GPC3: variants seen among roughly 807,000 people sequenced by gnomAD.
The protein encoded by GPC3 is glypican 3.
In GPC3, 3 loss-of-function variants were observed where a neutral mutation model predicts 34.4. That is an observed-to-expected ratio of 0.09 (90% CI 0.04 to 0.23). GPC3 has a LOEUF of 0.23. GPC3 is among the 10% of genes least tolerant of loss of function. The probability of loss-of-function intolerance (pLI) is 1.00; values close to 1 mark genes in which losing one functional copy is unlikely to be tolerated. For synonymous variants in GPC3, 177 were observed against 174.0 expected (o/e 1.02, Z -0.13); for missense variants, 351 against 445.6 (o/e 0.79, Z 1.91).
intron 2 of GPC3, among the ~76,000 whole-genome samples, chrX:133,842,564 A>G (rs956919640): frequency 1.8e-4 from 20 of 109,464 alleles, no homozygotes; most frequent in African/African-American, 6.7e-4. Context: ...CTAAGGAAAC[A>G]TGTTGAAAGT....
chrX:133,832,167 C>A (rs2075778494), intron 2 of GPC3, among the ~76,000 whole-genome samples: 1 of 111,008 alleles, frequency 9.0e-6, no homozygotes, highest in Non-Finnish European at 1.9e-5. Context: ...ATAGTCCCAG[C>A]TACTCAGGAG....
At chrX:133,805,646 G>C (rs747450178) in intron 2 of GPC3, among the ~76,000 whole-genome samples, 5 of 112,068 alleles carry the variant, frequency 4.5e-5, no homozygotes, top group African/African-American at 1.6e-4. Context: ...CTTTGACCAA[G>C]TTCCTTAACC....
chrX:133,965,170 A>ACCCCCCCC (rs368195242), intron 1 of GPC3, among the ~76,000 whole-genome samples: 5 of 102,450 alleles, frequency 4.9e-5, no homozygotes, highest in African/African-American at 1.1e-4. Flanking sequence ...GAATGGTGTC[A>ACCCCCCCC]CCCCCCCCCA....
In GPC3 at chrX:133,763,761, C is replaced by A; in HGVS notation, c.338-9585G>T. The A allele has an allele frequency of 8.9e-6, 4 of 447,211 alleles. No individual in the cohort carries two copies. In the Admixed American group the frequency reaches 9.8e-5, roughly 11 times the overall value. The allele number at this position is 447,211 out of a possible 1,213,427, so 36.9% of individuals were successfully genotyped here. A position where few individuals can be genotyped will look rare whatever the true frequency, so the allele number is the denominator to read the frequency against. On this transcript the variant is annotated intron_variant, in intron 2 of 7. Coordinates refer to ENST00000370818, the MANE Select transcript of GPC3 (RefSeq NM_004484.4). ...AAACATCAGTTTCAAAAAAAAAAGTCAAAAAACAACAGATGTTGGTGAGGA... is the reference window on the plus strand; with the variant it reads ...AAACATCAGTTTCAAAAAAAAAAGTAAAAAAACAACAGATGTTGGTGAGGA...
At chrX:133,905,132 G>A (rs1004327370) in intron 2 of GPC3, among the ~76,000 whole-genome samples, 4 of 112,082 alleles carry the variant, frequency 3.6e-5, no homozygotes, top group East Asian at 5.6e-4. Context: ...AAAAAAGAGC[G>A]GTTGGAAAAC....
At chrX:133,701,740 C>A (rs1318112867) in intron 3 of GPC3, among the ~76,000 whole-genome samples, 2 of 111,962 alleles carry the variant, frequency 1.8e-5, no homozygotes, top group African/African-American at 6.5e-5. Context: ...AAGCCATGGG[C>A]TCTGTGTGGT....
chrX:133,582,335 G>A (rs1486049892), intron 7 of GPC3, among the ~76,000 whole-genome samples: 1 of 111,572 alleles, frequency 9.0e-6, no homozygotes, highest in Non-Finnish European at 1.9e-5. Flanking sequence ...ATTGGCTCTC[G>A]TGAGCCAGTG....
At chrX:133,727,455 C>T (rs887306730) in intron 3 of GPC3, among the ~76,000 whole-genome samples, 2 of 110,145 alleles carry the variant, frequency 1.8e-5, no homozygotes, top group African/African-American at 6.6e-5. Context: ...GAGGCTGAGG[C>T]AGGAGAATCA....
intron 7 of GPC3, among the ~76,000 whole-genome samples, chrX:133,566,289 G>A (rs1221332803): frequency 9.0e-6 from 1 of 111,636 alleles, no homozygotes; most frequent in East Asian, 2.8e-4. Context: ...TTTGTCTGGA[G>A]AACAGGAGCC....
intron 2 of GPC3, among the ~76,000 whole-genome samples, chrX:133,818,880 T>C (rs145049273): frequency 0.019 from 2,055 of 110,288 alleles, 26 homozygotes; most frequent in Non-Finnish European, 0.024. Context: ...CCAAACCATG[T>C]TATGTTTCCA....
At chrX:133,741,233 A>C (rs1349365844) in intron 3 of GPC3, among the ~76,000 whole-genome samples, 1 of 108,365 alleles carries the variant, frequency 9.2e-6, no homozygotes, top group African/African-American at 3.4e-5. Context: ...TTGATCTTGG[A>C]CTTTCAACCC....
intron 7 of GPC3, among the ~76,000 whole-genome samples, chrX:133,580,821 C>G (rs1174357333): frequency 8.9e-6 from 1 of 112,125 alleles, no homozygotes; most frequent in Non-Finnish European, 1.9e-5. Flanking sequence ...GCAGTTGGTA[C>G]TGTATGTGAG....
chrX:133,714,183 T>C (rs2071294520), intron 3 of GPC3, among the ~76,000 whole-genome samples: 1 of 111,951 alleles, frequency 8.9e-6, no homozygotes, highest in African/African-American at 3.2e-5. Flanking sequence ...CTTCCAACTG[T>C]ATATATTTGT....
In GPC3 at chrX:133,965,893, G is replaced by A. The variant is rs186706689; in HGVS notation, c.176-12682C>T. ...CTTCCTCTAGCACAGGATAGAAGGA[G>A]TAGGGGGGAGAGAGGCAACCCAGAA... On this transcript the variant is annotated intron_variant, in intron 1 of 7. Transcript: ENST00000370818. Among the ~76,000 whole-genome samples the A allele has an allele frequency of 2.7e-5, 3 of 109,676 alleles. No individual in the cohort carries two copies. In the Admixed American group the frequency reaches 2.9e-4, roughly 11 times the overall value.
At chrX:133,958,709 G>GA (rs1196601371) in intron 1 of GPC3, among the ~76,000 whole-genome samples, 1,062 of 56,346 alleles carry the variant, frequency 0.019, 15 homozygotes, top group African/African-American at 0.039. Flanking sequence ...CATCTCTACT[G>GA]AAAAAAAAAA....
intron 2 of GPC3, among the ~76,000 whole-genome samples, chrX:133,806,187 T>C (rs1211545303): frequency 8.9e-6 from 1 of 112,521 alleles, no homozygotes; most frequent in Non-Finnish European, 1.9e-5. Flanking sequence ...CTTGTTTTCA[T>C]TGTTACTGTT....
At chrX:133,733,895 C>A (rs1287831343) in intron 3 of GPC3, among the ~76,000 whole-genome samples, 2 of 111,747 alleles carry the variant, frequency 1.8e-5, no homozygotes, top group Non-Finnish European at 3.8e-5. Flanking sequence ...TGAGTTAATA[C>A]TTTTAAAACT....
Position 133,609,550 on chromosome X carries a change from C to T in GPC3, c.1414-12951G>A, listed in dbSNP as rs191626941. Among the ~76,000 whole-genome samples the T allele has an allele frequency of 5.3e-4, 60 of 112,346 alleles. 1 individual carries two copies. Among genetic ancestry groups the T allele is most frequent in the Admixed American group, 4.3e-3 (46 of 10,591 alleles). ...GTAGTTCAACTTAAGCTTAGCCATTCGCAATTTGAATATATTTACTACCTT... is the reference window on the plus strand; with the variant it reads ...GTAGTTCAACTTAAGCTTAGCCATTTGCAATTTGAATATATTTACTACCTT... On this transcript the variant is annotated intron_variant, in intron 6 of 7. Coordinates refer to ENST00000370818, the MANE Select transcript of GPC3 (RefSeq NM_004484.4).
Position 133,985,356 on chromosome X carries a change from C to CCGG in GPC3, c.91_93dup (p.Pro31dup), listed in dbSNP as rs749104500. On this transcript the variant is annotated inframe_insertion, in exon 1 of 8. Coordinates refer to ENST00000370818, the MANE Select transcript of GPC3 (RefSeq NM_004484.4). ...GAGCGGACTTGGTGACAGGTGGCGT[C>CCGG]CGGCGGCGGCGGCGGGGGCTGCGCC... 60 of 1,202,794 alleles carry CCGG rather than the reference C, an allele frequency of 5.0e-5. No individual in the cohort carries two copies. Among genetic ancestry groups the CCGG allele is most frequent in the Non-Finnish European group, 6.1e-5 (54 of 891,654 alleles).
Sources: allele counts gnomAD v4.1 joint callset (sites outside exome capture counted in the v4.1 genomes callset), GRCh38; gene constraint gnomAD v4.1.1; transcripts MANE v1.5; gene names NCBI Gene and HGNC (gene_info 2026-07-23, HGNC 2026-07-21).